Variants in SH3RF3 observed in about 807,000 individuals in gnomAD.
SH3RF3 encodes SH3 domain containing ring finger 3, also known as E3 ubiquitin-protein ligase SH3RF3.
A neutral mutation model predicts 66.3 loss-of-function variants in SH3RF3; 29 were observed. The ratio of observed to expected loss-of-function variants is 0.44; its 90% CI spans 0.33 to 0.60. The LOEUF is 0.60. Ranked by LOEUF, SH3RF3 falls within the 20% of genes least tolerant of loss-of-function variation. SH3RF3 has a pLI of 0.04. For synonymous variants in SH3RF3, 583 were observed against 532.0 expected, an observed-to-expected ratio of 1.10 and a Z score of -1.32; for missense variants, 1,194 against 1,190.9, an observed-to-expected ratio of 1.00 and a Z score of -0.04.
At chr2:109,372,662 C>G (rs1049683384) in intron 3 of SH3RF3, among the ~76,000 whole-genome samples, 2 of 152,248 alleles carry the variant, frequency 1.3e-5, no homozygotes, top group African/African-American at 4.8e-5. Context: ...AAGGTTTCAG[C>G]GCGGGCCTCT....
chr2:109,475,944 A>G (rs1260151645), intron 8 of SH3RF3, among the ~76,000 whole-genome samples: 1 of 152,170 alleles, frequency 6.6e-6, no homozygotes, highest in Non-Finnish European at 1.5e-5. Flanking sequence ...AGGCCAACCA[A>G]AAACTTCCTG....
At chr2:109,306,346 C>A (rs1285620566) in intron 1 of SH3RF3, among the ~76,000 whole-genome samples, 2 of 152,238 alleles carry the variant, frequency 1.3e-5, no homozygotes, top group Non-Finnish European at 2.9e-5. Context: ...CTGCCTCCAA[C>A]CCCTGCGCAT....
At chr2:109,460,431 C>A (rs916442581) in intron 8 of SH3RF3, among the ~76,000 whole-genome samples, 1 of 152,100 alleles carries the variant, frequency 6.6e-6, no homozygotes, top group Non-Finnish European at 1.5e-5. Flanking sequence ...CAGTGGTAGT[C>A]GTAGCCAGGT....
chr2:109,197,758 TG>T (rs1181781445), intron 1 of SH3RF3, among the ~76,000 whole-genome samples: 1 of 152,254 alleles, frequency 6.6e-6, no homozygotes, highest in East Asian at 1.9e-4. Context: ...TATCAGGCTC[TG>T]CACTGGCCCT....
At chr2:109,181,276 A>C (rs1000172216) in intron 1 of SH3RF3, among the ~76,000 whole-genome samples, 1 of 152,246 alleles carries the variant, frequency 6.6e-6, no homozygotes. Context: ...AGTCTCCACT[A>C]ATGTTGATAT....
chr2:109,335,818 A>G (rs1353842592), intron 1 of SH3RF3, among the ~76,000 whole-genome samples: 2 of 152,248 alleles, frequency 1.3e-5, no homozygotes, highest in East Asian at 3.8e-4. Flanking sequence ...ACGCGGCTGT[A>G]GAGAGGATAA....
At chr2:109,130,232 C>T in intron 1 of SH3RF3, 119 bp downstream of exon 1, 1 of 964,062 alleles carries the variant, frequency 1.0e-6, no homozygotes, top group South Asian at 5.0e-5. Context: ...CGTTGGCCCA[C>T]TCCGCTGTTG....
chr2:109,383,313 G>A (rs1331180367), intron 3 of SH3RF3, among the ~76,000 whole-genome samples: 2 of 152,162 alleles, frequency 1.3e-5, no homozygotes, highest in African/African-American at 4.8e-5. Flanking sequence ...GTCACTGGGG[G>A]GTCATGGGGG....
chr2:109,338,322 C>T (rs1682477587), intron 1 of SH3RF3, among the ~76,000 whole-genome samples: 1 of 152,132 alleles, frequency 6.6e-6, no homozygotes, highest in Non-Finnish European at 1.5e-5. Flanking sequence ...CAGAATTGAG[C>T]TCTTCTGCAA....
In SH3RF3 at chr2:109,449,091, G is replaced by A. The variant is rs1231372134; in HGVS notation, c.1829-79G>A. 5.4e-6 allele frequency: 8 copies of A among 1,492,986 alleles called. No individual in the cohort carries two copies. In the Admixed American group the frequency reaches 1.2e-4, roughly 22 times the overall value. 92.5% of individuals were successfully genotyped at this position (1,492,986 alleles called of 1,614,324 possible). A position where few individuals can be genotyped will look rare whatever the true frequency, so the allele number is the denominator to read the frequency against. On this transcript the variant is annotated intron_variant, in intron 7 of 9. Coordinates refer to ENST00000309415, the MANE Select transcript of SH3RF3 (RefSeq NM_001099289.3). ...GAGTGCTCGAGAAGGGAGCCTGAGT[G>A]TGCATTGCAGCTGCCTGGCAGGCAT... is the stretch of plus-strand genomic sequence containing the variant.
At chr2:109,375,253 C>T (rs1362324124) in intron 3 of SH3RF3, among the ~76,000 whole-genome samples, 1 of 152,262 alleles carries the variant, frequency 6.6e-6, no homozygotes, top group Non-Finnish European at 1.5e-5. Flanking sequence ...GCCACCGTCC[C>T]ATGCCCTGGA....
intron 1 of SH3RF3, among the ~76,000 whole-genome samples, chr2:109,303,416 T>G (rs1681517724): frequency 6.6e-6 from 1 of 152,224 alleles, no homozygotes; most frequent in Non-Finnish European, 1.5e-5. Flanking sequence ...ACACTATATT[T>G]TTAATGTAGG....
chr2:109,282,236 A>G (rs567231939), intron 1 of SH3RF3, among the ~76,000 whole-genome samples: 7 of 152,206 alleles, frequency 4.6e-5, no homozygotes, highest in African/African-American at 9.6e-5. Flanking sequence ...TCCTTTACAC[A>G]TTAATGTAGG....
chr2:109,330,227 A>G (rs1236118534), intron 1 of SH3RF3, among the ~76,000 whole-genome samples: 3 of 152,000 alleles, frequency 2.0e-5, no homozygotes, highest in African/African-American at 2.4e-5. Context: ...AGTCTCCCCA[A>G]CTCTGTGGGT....
chr2:109,435,194 G>C (rs1469554012), intron 6 of SH3RF3, among the ~76,000 whole-genome samples: 2 of 152,180 alleles, frequency 1.3e-5, no homozygotes, highest in African/African-American at 2.4e-5. Flanking sequence ...GCTGCCCCCA[G>C]GTCAGTATGT....
intron 1 of SH3RF3, among the ~76,000 whole-genome samples, chr2:109,323,565 C>A (rs924590929): frequency 6.6e-6 from 1 of 152,194 alleles, no homozygotes; most frequent in African/African-American, 2.4e-5. Context: ...GTCTGAGCCC[C>A]CAGCGAAGCT....
intron 5 of SH3RF3, 128 bp downstream of exon 5, chr2:109,419,770 G>A: frequency 1.2e-6 from 1 of 809,682 alleles, no homozygotes; most frequent in South Asian, 1.8e-5. Context: ...ATAGTTATGT[G>A]CGTCTAATAA....
chr2:109,215,807 TG>T (rs1466288818), intron 1 of SH3RF3, among the ~76,000 whole-genome samples: 4 of 152,186 alleles, frequency 2.6e-5, no homozygotes, highest in Non-Finnish European at 4.4e-5. Flanking sequence ...ATTTGCCCTG[TG>T]TTCAGGTTGC....
At chr2:109,477,307 C>T (rs558437389) in intron 8 of SH3RF3, among the ~76,000 whole-genome samples, 1 of 152,308 alleles carries the variant, frequency 6.6e-6, no homozygotes, top group Admixed American at 6.5e-5. Flanking sequence ...CCTTCACGCC[C>T]AAAGACCATG....
Sources: gnomAD v4.1 joint callset for allele counts (sites outside exome capture counted in the v4.1 genomes callset) on GRCh38, gnomAD v4.1.1 for gene constraint, MANE v1.5 for transcripts, NCBI Gene and HGNC (gene_info 2026-07-23, HGNC 2026-07-21) for gene names.